The following ANGPT1 variants were observed in gnomAD, a reference collection of about 807,000 sequenced individuals.
ANGPT1 encodes the protein angiopoietin-1.
Under a neutral mutation model 62.2 loss-of-function variants are expected in ANGPT1, and 17 were observed. That is an observed-to-expected ratio of 0.27 (90% CI 0.19 to 0.41). The LOEUF (loss-of-function observed/expected upper bound fraction) is 0.41. Among genes scored for constraint, ANGPT1 ranks in the 10% least tolerant of loss-of-function variants. The pLI, the probability that ANGPT1 is intolerant of heterozygous loss-of-function variation, is 1.00. For synonymous variants in ANGPT1, 199 were observed against 198.9 expected, an observed-to-expected ratio of 1.00 and a Z score of 0.00; for missense variants, 478 against 594.9, an observed-to-expected ratio of 0.80 and a Z score of 2.04.
chr8:107,330,620 T>C (rs1815398474), intron 3 of ANGPT1, among the ~76,000 whole-genome samples: 1 of 152,162 alleles, frequency 6.6e-6, no homozygotes. Context: ...GGATAAGGAC[T>C]GGAGTGGCAC....
chr8:107,442,014 G>A (rs1405453158), intron 1 of ANGPT1, among the ~76,000 whole-genome samples: 1 of 152,084 alleles, frequency 6.6e-6, no homozygotes, highest in East Asian at 1.9e-4. Flanking sequence ...AACTCGGGAG[G>A]TGGAGGTTGC....
At chr8:107,317,545 A>C (rs1401472148) in intron 4 of ANGPT1, among the ~76,000 whole-genome samples, 1 of 151,702 alleles carries the variant, frequency 6.6e-6, no homozygotes, top group Non-Finnish European at 1.5e-5. Context: ...TAAATTCCCA[A>C]TTATATATTT....
At chr8:107,455,160 C>A (rs766070438) in intron 1 of ANGPT1, among the ~76,000 whole-genome samples, 9 of 152,028 alleles carry the variant, frequency 5.9e-5, no homozygotes, top group Non-Finnish European at 1.2e-4. Context: ...AAGGACAAGA[C>A]CTTTTTGGTT....
intron 7 of ANGPT1, among the ~76,000 whole-genome samples, chr8:107,271,619 T>G (rs1813736678): frequency 1.3e-5 from 2 of 151,942 alleles, no homozygotes; most frequent in South Asian, 4.1e-4. Flanking sequence ...CCCCATATCC[T>G]TTGGAAGTTT....
chr8:107,294,805 A>C (rs753012621), intron 5 of ANGPT1: 4 of 152,172 alleles, frequency 2.6e-5, no homozygotes, highest in African/African-American at 4.8e-5. Context: ...CCCAGGGTCT[A>C]CCCAAGAAGA....
chr8:107,391,271 T>C (rs998311296), intron 1 of ANGPT1, among the ~76,000 whole-genome samples: 13 of 152,144 alleles, frequency 8.5e-5, no homozygotes, highest in Admixed American at 3.3e-4. Flanking sequence ...GTGACAGTCA[T>C]TTTTTTGTCT....
intron 2 of ANGPT1, among the ~76,000 whole-genome samples, chr8:107,345,262 G>C (rs556223090): frequency 6.6e-6 from 1 of 152,076 alleles, no homozygotes; most frequent in East Asian, 1.9e-4. Flanking sequence ...TGGCTGCTTC[G>C]TATAAGGAGT....
intron 7 of ANGPT1, among the ~76,000 whole-genome samples, chr8:107,276,755 A>T (rs1159373123): frequency 1.3e-5 from 2 of 152,188 alleles, no homozygotes; most frequent in Non-Finnish European, 2.9e-5. Flanking sequence ...GTAACTGCAA[A>T]TCCAAGTCTA....
At chr8:107,416,586 A>G (rs563429206) in intron 1 of ANGPT1, among the ~76,000 whole-genome samples, 6 of 152,126 alleles carry the variant, frequency 3.9e-5, no homozygotes, top group Admixed American at 6.5e-5. Context: ...CTCATTGGAC[A>G]GGCAGGATTG....
In ANGPT1 at chr8:107,260,519, G is replaced by T. The variant is rs150719292; in HGVS notation, c.1336+3702C>A. Among the ~76,000 whole-genome samples the T allele has an allele frequency of 1.9e-3, 287 of 152,136 alleles. 1 individual carries two copies. The highest frequency in any genetic ancestry group is 6.1e-3 in the African/African-American group (254 of 41,516). The stretch of plus-strand genomic sequence containing the variant: ...GAAAAATCATTAGATGAGGAAAATG[G>T]CTCTAAGGGAAATTTTGACAGAGAA... On this transcript the variant is annotated intron_variant, in intron 8 of 8. Coordinates refer to ENST00000517746, the MANE Select transcript of ANGPT1 (RefSeq NM_001146.5).
rs1375139436 is a variant in ANGPT1, at chr8:107,250,245, C to A, written c.*1610G>T. The A allele has an allele frequency of 6.6e-6, 1 of 152,100 alleles. No individual in the cohort carries two copies. The highest frequency in any genetic ancestry group is 1.5e-5 in the Non-Finnish European group (1 of 67,996). The allele number at this position is 152,100 out of a possible 1,614,324, so 9.4% of individuals were successfully genotyped here. ...ATAGTGACTCATGTTTTAATAAAAA[C>A]TGTTTACTGTCATAACCTTGGACAC... On this transcript the variant is annotated 3_prime_UTR_variant, in exon 9 of 9. Coordinates refer to ENST00000517746, the MANE Select transcript of ANGPT1 (RefSeq NM_001146.5).
At chr8:107,295,546 C>G (rs1308522428) in intron 5 of ANGPT1, 1 of 152,012 alleles carries the variant, frequency 6.6e-6, no homozygotes, top group Non-Finnish European at 1.5e-5. Context: ...AGTGACTGAT[C>G]CCATAGAATT....
At position 107,476,716 on chromosome 8, in the gene ANGPT1, A is replaced by C. The variant is rs570153788; in HGVS notation, c.297+20546T>G. ...AAGAATTCCTTGTAAAGTCATCTGA[A>C]ATTAAACAGCTCCATATGACACAAA... On this transcript the variant is annotated intron_variant, in intron 1 of 8. Coordinates refer to ENST00000517746, the MANE Select transcript of ANGPT1 (RefSeq NM_001146.5). Among the ~76,000 whole-genome samples the C allele has an allele frequency of 2.0e-4, 31 of 152,268 alleles. 1 individual carries two copies. The South Asian group carries it at 6.4e-3, about 32-fold the overall frequency.
At chr8:107,287,338 T>A (rs11996168) in intron 6 of ANGPT1, among the ~76,000 whole-genome samples, 2,736 of 152,232 alleles carry the variant, frequency 0.018, 62 homozygotes, top group African/African-American at 0.059. Context: ...GGCCTGTACT[T>A]CCCTCTAAAT....
intron 8 of ANGPT1, 112 bp from the exon 9 acceptor site, chr8:107,252,127 T>C: frequency 8.8e-7 from 1 of 1,132,694 alleles, no homozygotes; most frequent in Non-Finnish European, 1.3e-6. Flanking sequence ...GTTCTTGTTA[T>C]GCTTATTTGC....
At position 107,284,795 on chromosome 8, in the gene ANGPT1, G is replaced by A. The variant is rs2130136668; in HGVS notation, c.1092C>T (p.Ala364=). ...GCATGTACTGCCTCTGACTGGTAAT[G>A]GCAAAAATAAACTCATTCCCCAGCC... ...EYWLGNEFIF[A]ITSQRQYMLR... Residue 364 remains alanine, a synonymous_variant, in exon 7 of 9, where the codon GCC becomes GCT. Coordinates refer to ENST00000517746, the MANE Select transcript of ANGPT1 (RefSeq NM_001146.5). The A allele has an allele frequency of 6.2e-7, 1 of 1,610,422 alleles. No individual in the cohort carries two copies. Among genetic ancestry groups the A allele is most frequent in the African/African-American group, 1.3e-5 (1 of 74,910 alleles).
chr8:107,261,542 A>G (rs771472303), intron 8 of ANGPT1, among the ~76,000 whole-genome samples: 33 of 151,800 alleles, frequency 2.2e-4, no homozygotes, highest in Non-Finnish European at 4.4e-4. Context: ...TGTCTCTAGT[A>G]AAAATACAAA....
chr8:107,484,478 T>C (rs1812767239), intron 1 of ANGPT1, among the ~76,000 whole-genome samples: 1 of 152,160 alleles, frequency 6.6e-6, no homozygotes, highest in Admixed American at 6.6e-5. Context: ...CCCAGCTCAC[T>C]GCAGCCTCGA....
At chr8:107,409,068 T>C (rs893673116) in intron 1 of ANGPT1, among the ~76,000 whole-genome samples, 2 of 152,188 alleles carry the variant, frequency 1.3e-5, no homozygotes, top group African/African-American at 4.8e-5. Context: ...ACAAAGCTTA[T>C]TTCTATTATT....
Sources: allele counts gnomAD v4.1 joint callset (sites outside exome capture counted in the v4.1 genomes callset), GRCh38; gene constraint gnomAD v4.1.1; transcripts MANE v1.5; gene names NCBI Gene and HGNC (gene_info 2026-07-23, HGNC 2026-07-21).